TACC1: variants seen among roughly 807,000 people sequenced by gnomAD.
TACC1 encodes the protein transforming acidic coiled-coil containing protein 1.
In TACC1, 48 loss-of-function variants were observed where a neutral mutation model predicts 84.4. The observed-to-expected ratio is 0.57, with a 90% confidence interval of 0.45 to 0.72. TACC1 has a LOEUF of 0.72. TACC1 is among the 30% of genes least tolerant of loss of function. The pLI is 0.00. For missense variants in TACC1, 920 were observed against 973.0 expected (o/e 0.95, Z 0.72); for synonymous variants, 372 against 376.3 (o/e 0.99, Z 0.13).
At position 38,787,349 on chromosome 8, in the gene TACC1, G is replaced by T. The variant is rs1444861758; in HGVS notation, c.-234G>T. On this transcript the variant is annotated 5_prime_UTR_variant, in exon 1 of 13. Coordinates refer to ENST00000317827, the MANE Select transcript of TACC1 (RefSeq NM_006283.3). ...TTCCCGGCTAGTGGAGCCCGGCGCG[G>T]GGCCCGCTGCGGCCGCACCGTGAGG... 1.5e-6 allele frequency: 2 copies of T among 1,305,766 alleles called. No individual in the cohort carries two copies. Among genetic ancestry groups the T allele is most frequent in the African/African-American group, 1.6e-5 (1 of 64,308 alleles). The allele number at this position is 1,305,766 out of a possible 1,614,324, so 80.9% of individuals were successfully genotyped here.
At chr8:38,827,116 C>A (rs1828251363) in intron 4 of TACC1, 52 bp from the exon 5 acceptor site, 1 of 1,524,684 alleles carries the variant, frequency 6.6e-7, no homozygotes, top group Admixed American at 1.7e-5. Context: ...TGTCACTTTT[C>A]CCCATTGCTT....
chr8:38,846,551 TCAC>T, intron 11 of TACC1, 145 bp from the exon 12 acceptor site: 1 of 842,038 alleles, frequency 1.2e-6, no homozygotes, highest in Non-Finnish European at 1.8e-6. Flanking sequence ...ATTATTTAGG[TCAC>T]CGATTTTTGT....
chr8:38,757,448 G>T (rs1465448930), intron 3 of TACC1: 5 of 1,133,080 alleles, frequency 4.4e-6, no homozygotes, highest in Non-Finnish European at 5.5e-6. Context: ...GCCTTTGGGG[G>T]TTTGCGTGCC....
intron 3 of TACC1, 25 bp from the exon 4 acceptor site, chr8:38,825,283 T>G: frequency 6.2e-7 from 1 of 1,613,714 alleles, no homozygotes; most frequent in Non-Finnish European, 8.5e-7. Flanking sequence ...GCAAACTGGC[T>G]TGTTTGTGTT....
intron 1 of TACC1, among the ~76,000 whole-genome samples, chr8:38,733,896 G>C (rs1230197262): frequency 1.3e-5 from 2 of 152,178 alleles, no homozygotes; most frequent in Non-Finnish European, 1.5e-5. Context: ...ATGGAATTTA[G>C]GAATCAGCAG....
intron 6 of TACC1, 100 bp downstream of exon 6, chr8:38,831,277 A>T: frequency 8.4e-7 from 1 of 1,187,996 alleles, no homozygotes; most frequent in South Asian, 1.3e-5. Flanking sequence ...GTGTTAGGTG[A>T]TGAGGATAAA....
chr8:38,797,439 C>G (rs6982119), intron 2 of TACC1, among the ~76,000 whole-genome samples: 3,885 of 152,312 alleles, frequency 0.026, 147 homozygotes, highest in African/African-American at 0.088. Flanking sequence ...TTCACTATGC[C>G]CTTCCTAACC....
chr8:38,768,097 AAGG>A (rs1193282115), intron 3 of TACC1, among the ~76,000 whole-genome samples: 2 of 142,780 alleles, frequency 1.4e-5, no homozygotes, highest in Non-Finnish European at 1.5e-5. Flanking sequence ...GGAAGGAAGG[AAGG>A]AAGGAAGGAA....
chr8:38,784,188 T>C (rs1816678992), upstream of TACC1, among the ~76,000 whole-genome samples: 1 of 152,196 alleles, frequency 6.6e-6, no homozygotes. Context: ...GCTAATGGAC[T>C]CATATTCATT....
chr8:38,742,438 A>G (rs1013076993), exon 2 of TACC1: 4 of 1,530,402 alleles, frequency 2.6e-6, no homozygotes, highest in Admixed American at 3.9e-5. Context: ...AAATGCAAAG[A>G]CAAACCATCA....
chr8:38,762,735 T>G (rs1811461157), intron 3 of TACC1, among the ~76,000 whole-genome samples: 1 of 152,118 alleles, frequency 6.6e-6, no homozygotes, highest in South Asian at 2.1e-4. Flanking sequence ...TTTTTTATTT[T>G]TAGCAGAGTC....
chr8:38,840,524 C>T (rs1000480073), intron 9 of TACC1: 1 of 300,434 alleles, frequency 3.3e-6, no homozygotes, highest in Admixed American at 4.8e-5. Context: ...TCCCAAATTC[C>T]CTTCCATGCC....
intron 2 of TACC1, among the ~76,000 whole-genome samples, chr8:38,744,518 G>A (rs1018430236): frequency 6.6e-6 from 1 of 152,156 alleles, no homozygotes; most frequent in Non-Finnish European, 1.5e-5. Flanking sequence ...ATAGCTGTGT[G>A]CCTAGCTATC....
chr8:38,728,631 A>C (rs1196704101), upstream of TACC1: 3 of 152,226 alleles, frequency 2.0e-5, no homozygotes, highest in African/African-American at 7.2e-5. Flanking sequence ...GGGAGAGGGG[A>C]GCGACCCTGG....
Position 38,787,587 on chromosome 8 carries a change from C to T in TACC1, c.5C>T (p.Ala2Val), listed in dbSNP as rs1429840765. Residue 2 changes from alanine to valine, a missense_variant, in exon 1 of 13, where the codon GCG (alanine) becomes GTG (valine). By Grantham distance (64) the Ala-to-Val change is moderately conservative. Around this residue, in one of 2 missense-constraint regions of TACC1, gnomAD observed 762 missense variants for 747.3 expected, o/e 1.02. Coordinates refer to ENST00000317827, the MANE Select transcript of TACC1 (RefSeq NM_006283.3). M[A>V]FSPWQILSPV... is the part of the protein sequence containing the mutation. ...GGAGCCGGAGGAGCCGCGCTCATGGCGTTCAGCCCGTGGCAGATCCTGTCC... is the reference window on the plus strand; with the variant it reads ...GGAGCCGGAGGAGCCGCGCTCATGGTGTTCAGCCCGTGGCAGATCCTGTCC... 1 of 1,540,602 alleles carries T rather than the reference C, an allele frequency of 6.5e-7. No homozygotes were observed. Among genetic ancestry groups the T allele is most frequent in the Non-Finnish European group, 8.8e-7 (1 of 1,142,234 alleles).
intron 3 of TACC1, among the ~76,000 whole-genome samples, chr8:38,746,740 A>G (rs757591126): frequency 1.8e-4 from 28 of 152,212 alleles, no homozygotes; most frequent in Non-Finnish European, 2.9e-4. Flanking sequence ...TACATTATCA[A>G]CTGTAAATGG....
rs1003233327 is a variant in TACC1, at chr8:38,794,579, TGC to T, written c.277+5762_277+5763del. ...GTGTTTGTTTGTGTGTGTGTGTGTG[TGC>T]GTGCTATAGAAAACACAGCATGGAA... is the stretch of plus-strand genomic sequence containing the variant. On this transcript the variant is annotated intron_variant, in intron 2 of 12. Coordinates refer to ENST00000317827, the MANE Select transcript of TACC1 (RefSeq NM_006283.3). Among the ~76,000 whole-genome samples, 7 of 148,706 alleles carry T rather than the reference TGC, an allele frequency of 4.7e-5. No individual in the cohort carries two copies. The South Asian group carries it at 1.3e-3, about 27-fold the overall frequency.
intron 3 of TACC1, among the ~76,000 whole-genome samples, chr8:38,762,228 T>A (rs928177912): frequency 5.3e-5 from 8 of 152,142 alleles, no homozygotes; most frequent in African/African-American, 1.9e-4. Context: ...TTTCCAGAAC[T>A]TTTTCAGCAT....
intron 8 of TACC1, chr8:38,839,551 TAGAG>T (rs1156859005): frequency 6.3e-6 from 2 of 315,088 alleles, no homozygotes; most frequent in Non-Finnish European, 1.2e-5. Flanking sequence ...TTCCTGCTCT[TAGAG>T]AGCGGTAGCC....
Sources: gnomAD v4.1 joint callset for allele counts (sites outside exome capture counted in the v4.1 genomes callset) on GRCh38, gnomAD v4.1.1 for gene constraint, gnomAD v4.1.1 regional missense constraint, MANE v1.5 for transcripts, NCBI Gene and HGNC (gene_info 2026-07-23, HGNC 2026-07-21) for gene names.